The following C5orf63 variants were observed in gnomAD, a reference collection of about 807,000 sequenced individuals.
The protein encoded by C5orf63 is chromosome 5 open reading frame 63.
Under a neutral mutation model 13.3 loss-of-function variants are expected in C5orf63, and 18 were observed. That is an observed-to-expected ratio of 1.36 (90% CI 0.94 to 2.01). The LOEUF (loss-of-function observed/expected upper bound fraction) is 2.01, where lower values mean the gene tolerates loss of function less well. C5orf63 is among the 30% of genes most tolerant of loss of function. C5orf63 has a pLI of 0.00. For synonymous variants in C5orf63, 38 were observed against 44.7 expected (o/e 0.85, Z 0.60); for missense variants, 118 against 127.7 (o/e 0.92, Z 0.36).
At chr5:127,062,767 A>G (rs1754156769) in intron 2 of C5orf63, among the ~76,000 whole-genome samples, 1 of 152,178 alleles carries the variant, frequency 6.6e-6, no homozygotes, top group African/African-American at 2.4e-5. Context: ...ATTTTTGAAC[A>G]GTATCTCAGC....
rs1269626531 is a variant in C5orf63 at position 127,056,784 on chromosome 5, C to T, written c.114+2098G>A. 2.6e-5 allele frequency among the ~76,000 whole-genome samples: 4 copies of T among 152,184 alleles called. No individual in the cohort carries two copies. In the South Asian group the frequency reaches 8.3e-4, roughly 32 times the overall value. On this transcript the variant is annotated intron_variant, in intron 3 of 4. Coordinates refer to ENST00000296662, the MANE Select transcript of C5orf63 (RefSeq NM_001164478.2). ...AGCTGTTCCTGAAACCAGAGCAACT[C>T]CAAAATCTTTTTGTTTAACTCACTC...
intron 3 of C5orf63, among the ~76,000 whole-genome samples, chr5:127,058,126 TGGTGTACAA>T (rs1753958354): frequency 6.6e-6 from 1 of 152,158 alleles, no homozygotes; most frequent in African/African-American, 2.4e-5. Flanking sequence ...CACTGGGGTT[TGGTGTACAA>T]ATGATTTCAT....
intron 3 of C5orf63, among the ~76,000 whole-genome samples, chr5:127,053,928 T>C (rs1455388676): frequency 6.6e-6 from 1 of 152,228 alleles, no homozygotes; most frequent in Non-Finnish European, 1.5e-5. Context: ...GCATGATTTA[T>C]AATCCTTTGA....
chr5:127,054,679 A>G (rs542608418), intron 3 of C5orf63, among the ~76,000 whole-genome samples: 1 of 152,038 alleles, frequency 6.6e-6, no homozygotes, highest in East Asian at 1.9e-4. Context: ...TCTCCAATTC[A>G]GTAGGTTGTC....
chr5:127,064,657 C>T (rs1754252720), intron 2 of C5orf63, among the ~76,000 whole-genome samples: 1 of 152,172 alleles, frequency 6.6e-6, no homozygotes, highest in Admixed American at 6.5e-5. Context: ...AGGTTTACCA[C>T]ACAGGGGATG....
chr5:127,051,696 G>A lies in C5orf63; in HGVS notation c.*75C>T. The A allele has an allele frequency of 7.1e-7, 1 of 1,407,080 alleles. No homozygotes were observed. The highest frequency in any genetic ancestry group is 2.6e-5 in the East Asian group (1 of 38,740). The allele number at this position is 1,407,080 out of a possible 1,614,324, so 87.2% of individuals were successfully genotyped here. A position where few individuals can be genotyped will look rare whatever the true frequency, so the allele number is the denominator to read the frequency against. On this transcript the variant is annotated 3_prime_UTR_variant, in exon 5 of 5. Transcript: ENST00000296662. ...TAGGGCTCTGTACAAGTGACAAAATGAGTATCAGGCCATGGTCATTTCCTT... is the reference window on the plus strand; with the variant it reads ...TAGGGCTCTGTACAAGTGACAAAATAAGTATCAGGCCATGGTCATTTCCTT...
chr5:127,068,461 T>C (rs1167415514), intron 2 of C5orf63, among the ~76,000 whole-genome samples: 3 of 152,170 alleles, frequency 2.0e-5, no homozygotes, highest in African/African-American at 7.2e-5. Context: ...AAGGTGACAC[T>C]AAGGCACTCA....
intron 2 of C5orf63, among the ~76,000 whole-genome samples, chr5:127,060,145 A>C (rs1042346350): frequency 6.6e-6 from 1 of 152,168 alleles, no homozygotes; most frequent in Non-Finnish European, 1.5e-5. Context: ...TCTCAAAAAA[A>C]ACAAAAACAA....
At chr5:127,044,525 A>G (rs1753478904), downstream of C5orf63, 1 of 152,134 alleles carries the variant, frequency 6.6e-6, no homozygotes, top group Non-Finnish European at 1.5e-5. Flanking sequence ...CATGCTCAAC[A>G]TGAATTTCTG....
intron 2 of C5orf63, among the ~76,000 whole-genome samples, chr5:127,062,685 G>A (rs574694471): frequency 6.6e-6 from 1 of 152,236 alleles, no homozygotes; most frequent in South Asian, 2.1e-4. Context: ...CACATTCACT[G>A]AATCATGCCT....
Position 127,052,661 on chromosome 5 carries a change from G to T in C5orf63, c.123C>A (p.Cys41Ter). 6.6e-7 allele frequency: 1 copy of T among 1,507,410 alleles called. No individual in the cohort carries two copies. The highest frequency in any genetic ancestry group is 1.3e-5 in the South Asian group (1 of 78,066). 93.4% of individuals were successfully genotyped at this position (1,507,410 alleles called of 1,614,324 possible). The change falls in exon 4 of 5, where the codon TGC (cysteine) becomes TGA (stop). Residue 41 changes from cysteine to a stop codon, truncating the protein, a stop_gained. Transcript: ENST00000296662. LOFTEE classifies it high-confidence loss of function. ...PVLTLFTKDP[C>*]PLCDEAKEVL... ...CTTCCTTGGCTTCATCACAAAGGGG[G>T]CATGGGTCCTACAGGAAGAAAAAAA... is the stretch of plus-strand genomic sequence containing the variant.
chr5:127,043,955 T>C (rs1437052626), downstream of C5orf63: 2 of 152,222 alleles, frequency 1.3e-5, no homozygotes, highest in Non-Finnish European at 2.9e-5. Context: ...CGGGTTGACC[T>C]TGTTGTGAGG....
intron 3 of C5orf63, among the ~76,000 whole-genome samples, chr5:127,057,865 CA>C (rs1334407355): frequency 6.6e-6 from 1 of 152,170 alleles, no homozygotes; most frequent in Non-Finnish European, 1.5e-5. Context: ...CCCCCAGACA[CA>C]GTGCTGAAGT....
intron 2 of C5orf63, among the ~76,000 whole-genome samples, chr5:127,063,542 G>A (rs1165868506): frequency 6.6e-6 from 1 of 152,134 alleles, no homozygotes; most frequent in Admixed American, 6.5e-5. Flanking sequence ...TTCATACAAA[G>A]AATCCTTTGG....
chr5:127,052,138 G>A lies in C5orf63; in HGVS notation c.172-191C>T, dbSNP rs559587717. 3.9e-5 allele frequency among the ~76,000 whole-genome samples: 6 copies of A among 152,288 alleles called. No individual in the cohort carries two copies. In the East Asian group the frequency reaches 9.6e-4, roughly 24 times the overall value. ...GGTTTCATTATATTCTCTACTTCCT[G>A]ATCTTGCTGCTTTTCTGTTACCCCT... On this transcript the variant is annotated intron_variant, in intron 4 of 4. Coordinates refer to ENST00000296662, the MANE Select transcript of C5orf63 (RefSeq NM_001164478.2).
downstream of C5orf63, among the ~76,000 whole-genome samples, chr5:127,049,946 C>T (rs749539867): frequency 2.6e-5 from 4 of 152,100 alleles, no homozygotes; most frequent in African/African-American, 4.8e-5. Flanking sequence ...AGTTTTTGGC[C>T]GAGAATTACT....
chr5:127,050,417 C>A (rs1753634426), downstream of C5orf63, among the ~76,000 whole-genome samples: 1 of 152,062 alleles, frequency 6.6e-6, no homozygotes, highest in African/African-American at 2.4e-5. Flanking sequence ...CTGGGCTCTT[C>A]TGCCTCAGCC....
exon 5 of C5orf63, chr5:127,045,552 C>A (rs1246910111): frequency 6.6e-6 from 1 of 152,196 alleles, no homozygotes; most frequent in Non-Finnish European, 1.5e-5. Context: ...ATCTCAAGAT[C>A]CTTAACTTAA....
At chr5:127,070,483 AC>A (rs1425491595) in intron 2 of C5orf63, among the ~76,000 whole-genome samples, 3 of 152,208 alleles carry the variant, frequency 2.0e-5, no homozygotes, top group Non-Finnish European at 4.4e-5. Flanking sequence ...AGCAGCATAT[AC>A]CACCACTGTC....
Sources: gnomAD v4.1 joint callset for allele counts (sites outside exome capture counted in the v4.1 genomes callset) on GRCh38, gnomAD v4.1.1 for gene constraint, MANE v1.5 for transcripts, NCBI Gene and HGNC (gene_info 2026-07-23, HGNC 2026-07-21) for gene names.